Variants in MNAT1 observed in about 807,000 individuals in gnomAD.
MNAT1 encodes MNAT1 component of CDK activating kinase.
A neutral mutation model predicts 42.0 loss-of-function variants in MNAT1; 43 were observed. The observed-to-expected ratio is 1.02, with a 90% CI of 0.80 to 1.32. MNAT1 has a LOEUF of 1.32. MNAT1 is among the 40% of genes most tolerant of loss of function. The pLI, the probability that MNAT1 is intolerant of heterozygous loss-of-function variation, is 0.00. For missense variants in MNAT1, 306 were observed against 350.4 expected, an observed-to-expected ratio of 0.87 and a Z score of 1.01; for synonymous variants, 118 against 120.0, an observed-to-expected ratio of 0.98 and a Z score of 0.11.
Position 60,734,780 on chromosome 14 carries a change from C to G in MNAT1, c.-83C>G. On this transcript the variant is annotated 5_prime_UTR_variant, in exon 1 of 8. Coordinates refer to ENST00000261245, the MANE Select transcript of MNAT1 (RefSeq NM_002431.4). The surrounding 1 kb of genome is among the most constrained non-coding windows in gnomAD (Gnocchi z 4.3). ...TCTGCCAAGCGCCTGTTGGTAGGAA[C>G]CTGCTTGGTCGCGTCTGAGGGGGCT... 1 of 1,310,242 alleles carries G rather than the reference C, an allele frequency of 7.6e-7. No individual in the cohort carries two copies. The highest frequency in any genetic ancestry group is 1.1e-6 in the Non-Finnish European group (1 of 911,570). The allele number at this position is 1,310,242 out of a possible 1,614,324, so 81.2% of individuals were successfully genotyped here. A position where few individuals can be genotyped will look rare whatever the true frequency, so the allele number is the denominator to read the frequency against.
intron 1 of MNAT1, among the ~76,000 whole-genome samples, chr14:60,743,128 T>C (rs1003333300): frequency 3.9e-5 from 6 of 152,212 alleles, no homozygotes; most frequent in African/African-American, 1.4e-4. Flanking sequence ...TTGCCAATGC[T>C]TGTTATAGTT....
At chr14:60,795,562 G>A (rs1365782095) in intron 1 of MNAT1, among the ~76,000 whole-genome samples, 4 of 152,040 alleles carry the variant, frequency 2.6e-5, no homozygotes, top group Admixed American at 6.6e-5. Context: ...GCTTTATTTG[G>A]GGCAACGAAC....
chr14:60,793,942 A>C (rs1444395487), intron 1 of MNAT1, among the ~76,000 whole-genome samples: 3 of 152,164 alleles, frequency 2.0e-5, no homozygotes, highest in Non-Finnish European at 2.9e-5. Context: ...AATACTATTT[A>C]AATTATTATG....
chr14:60,802,511 AT>A (rs1246183982), intron 3 of MNAT1, among the ~76,000 whole-genome samples: 1 of 152,134 alleles, frequency 6.6e-6, no homozygotes, highest in Non-Finnish European at 1.5e-5. Context: ...GTCAGTTAAG[AT>A]TTTATCTTGT....
intron 1 of MNAT1, chr14:60,780,499 T>G: frequency 6.6e-7 from 1 of 1,514,532 alleles, no homozygotes; most frequent in Non-Finnish European, 9.2e-7. Context: ...GACCACAGTT[T>G]ATTACCAATT....
At chr14:60,748,955 C>A (rs984203787) in intron 1 of MNAT1, among the ~76,000 whole-genome samples, 1 of 152,062 alleles carries the variant, frequency 6.6e-6, no homozygotes, top group South Asian at 2.1e-4. Context: ...GGTTTGTTTA[C>A]CCCAGTATCA....
At chr14:60,864,424 G>T (rs1005021943) in intron 6 of MNAT1, among the ~76,000 whole-genome samples, 8 of 151,928 alleles carry the variant, frequency 5.3e-5, no homozygotes, top group Non-Finnish European at 4.4e-5. Context: ...TTCTATAATA[G>T]AGAAGTGCTT....
chr14:60,838,275 A>G (rs1429903532), intron 6 of MNAT1, among the ~76,000 whole-genome samples: 1 of 151,888 alleles, frequency 6.6e-6, no homozygotes, highest in East Asian at 1.9e-4. Context: ...TGCTGGGACT[A>G]CAGGAGGGCA....
intron 6 of MNAT1, among the ~76,000 whole-genome samples, chr14:60,868,161 C>G (rs1398423425): frequency 6.6e-6 from 1 of 152,038 alleles, no homozygotes; most frequent in African/African-American, 2.4e-5. Flanking sequence ...TATCCCATTG[C>G]AAAAATATGT....
chr14:60,759,297 T>TTC (rs1460956147), intron 1 of MNAT1, among the ~76,000 whole-genome samples: 1 of 152,220 alleles, frequency 6.6e-6, no homozygotes. Context: ...CTTTTCTTTC[T>TTC]TCTCTCTCTC....
intron 6 of MNAT1, among the ~76,000 whole-genome samples, chr14:60,873,883 GAACTGATGTTTACTTA>G (rs1241806740): frequency 2.0e-5 from 3 of 152,016 alleles, no homozygotes; most frequent in Non-Finnish European, 4.4e-5. Flanking sequence ...TGTTATAATT[GAACTGATGTTTACTTA>G]AACTGATGTT....
chr14:60,941,816 A>G (rs1441068156), intron 7 of MNAT1, among the ~76,000 whole-genome samples: 4 of 151,684 alleles, frequency 2.6e-5, no homozygotes, highest in African/African-American at 7.3e-5. Flanking sequence ...CATCGCAGCT[A>G]ACATGGTGAA....
intron 6 of MNAT1, among the ~76,000 whole-genome samples, chr14:60,872,181 A>G (rs546724370): frequency 6.6e-6 from 1 of 152,252 alleles, no homozygotes; most frequent in South Asian, 2.1e-4. Flanking sequence ...CACACGTGGC[A>G]AGAGAGGGAG....
At chr14:60,790,084 C>T (rs2031770602) in intron 1 of MNAT1, among the ~76,000 whole-genome samples, 3 of 151,906 alleles carry the variant, frequency 2.0e-5, no homozygotes, top group Admixed American at 2.0e-4. Flanking sequence ...AGTAATTGTG[C>T]AATGGGCAGT....
At chr14:60,918,916 A>G (rs1403407596) in intron 7 of MNAT1, among the ~76,000 whole-genome samples, 1 of 151,910 alleles carries the variant, frequency 6.6e-6, no homozygotes, top group African/African-American at 2.4e-5. Flanking sequence ...TTGGTAACTC[A>G]TAGATTTTTG....
At chr14:60,867,794 A>G (rs1315954333) in intron 6 of MNAT1, among the ~76,000 whole-genome samples, 3 of 152,106 alleles carry the variant, frequency 2.0e-5, no homozygotes, top group Non-Finnish European at 4.4e-5. Context: ...ACCTCAGTTC[A>G]TTCTAGTTTA....
chr14:60,958,310 G>A (rs891108538), intron 7 of MNAT1, among the ~76,000 whole-genome samples: 11 of 152,086 alleles, frequency 7.2e-5, no homozygotes, highest in African/African-American at 2.4e-4. Flanking sequence ...TTTTTGGTTG[G>A]CATTTTTTTT....
chr14:60,903,210 G>A (rs768305100), intron 7 of MNAT1, among the ~76,000 whole-genome samples: 9 of 151,512 alleles, frequency 5.9e-5, no homozygotes, highest in South Asian at 4.2e-4. Flanking sequence ...TTAAATCTTC[G>A]TCTTCACATT....
At chr14:60,928,838 C>A (rs1422500974) in intron 7 of MNAT1, among the ~76,000 whole-genome samples, 1 of 151,676 alleles carries the variant, frequency 6.6e-6, no homozygotes. Context: ...TGGATATCAG[C>A]ATTTTATTAA....
Sources: gnomAD v4.1 joint callset for allele counts (sites outside exome capture counted in the v4.1 genomes callset) on GRCh38, gnomAD v4.1.1 for gene constraint, Gnocchi (gnomAD v3.1) non-coding constraint, MANE v1.5 for transcripts, NCBI Gene and HGNC (gene_info 2026-07-23, HGNC 2026-07-21) for gene names.